The following FNDC3B variants were observed in gnomAD, a reference collection of about 807,000 sequenced individuals.
FNDC3B encodes the protein fibronectin type III domain-containing protein 3B.
FNDC3B carries 12 observed loss-of-function variants against 151.5 expected under a neutral mutation model. The ratio of observed to expected loss-of-function variants is 0.08; its 90% CI spans 0.05 to 0.13. The LOEUF (loss-of-function observed/expected upper bound fraction) is 0.13, where lower values mean the gene tolerates loss of function less well. Ranked by LOEUF, FNDC3B falls within the 10% of genes least tolerant of loss-of-function variation. The probability of loss-of-function intolerance (pLI) is 1.00; values close to 1 mark genes in which losing one functional copy is unlikely to be tolerated. For synonymous variants in FNDC3B, 528 were observed against 549.0 expected (o/e 0.96, Z 0.54); for missense variants, 1,214 against 1,505.3 (o/e 0.81, Z 3.20).
At chr3:172,133,634 AT>A in intron 3 of FNDC3B, 88 bp downstream of exon 3, 1 of 930,336 alleles carries the variant, frequency 1.1e-6, no homozygotes, top group South Asian at 1.3e-5. Context: ...TCTGCATGTA[AT>A]TTTCTAGAAG....
intron 6 of FNDC3B, among the ~76,000 whole-genome samples, chr3:172,265,920 T>C (rs943182207): frequency 1.4e-4 from 21 of 152,222 alleles, no homozygotes; most frequent in African/African-American, 5.1e-4. Context: ...ATTATTTTAA[T>C]GCACAAGATG....
At chr3:172,320,479 A>G (rs753569744) in intron 11 of FNDC3B, among the ~76,000 whole-genome samples, 2 of 152,198 alleles carry the variant, frequency 1.3e-5, no homozygotes, top group South Asian at 4.1e-4. Context: ...AAAGGGAGAA[A>G]GTTCACCATG....
chr3:172,146,636 A>G (rs1721923625), intron 3 of FNDC3B, among the ~76,000 whole-genome samples: 1 of 152,214 alleles, frequency 6.6e-6, no homozygotes, highest in South Asian at 2.1e-4. Context: ...CGTACATTTC[A>G]GTGTACAGGC....
chr3:172,152,012 G>A lies in FNDC3B; in HGVS notation c.187+18466G>A, dbSNP rs529244633. ...GGTGATATCCACTTGTGGATACTCA[G>A]TCCCTGTCTGATCACCAGGTTTGAT... is the stretch of plus-strand genomic sequence containing the variant. On this transcript the variant is annotated intron_variant, in intron 3 of 25. Coordinates refer to ENST00000415807, the MANE Select transcript of FNDC3B (RefSeq NM_022763.4). Among the ~76,000 whole-genome samples, 4 of 152,288 alleles carry A rather than the reference G, an allele frequency of 2.6e-5. No individual in the cohort carries two copies. The South Asian group carries it at 6.2e-4, about 24-fold the overall frequency.
intron 9 of FNDC3B, among the ~76,000 whole-genome samples, chr3:172,300,237 A>G (rs1436503745): frequency 1.3e-5 from 2 of 152,212 alleles, no homozygotes; most frequent in Admixed American, 1.3e-4. Flanking sequence ...ACAAACCAGA[A>G]AATGTAAAAC....
Position 172,181,008 on chromosome 3 carries a change from G to C in FNDC3B, c.188-45863G>C, listed in dbSNP as rs1335582374. Reference sequence around the variant, plus strand: ...TACTTCTTAGACTTGAGAGAAGCTGGCTTTCTTAATAATCTCTAACTGATT... The same window carrying C: ...TACTTCTTAGACTTGAGAGAAGCTGCCTTTCTTAATAATCTCTAACTGATT... On this transcript the variant is annotated intron_variant, in intron 3 of 25. Transcript: ENST00000415807. 2.0e-5 allele frequency among the ~76,000 whole-genome samples: 3 copies of C among 152,256 alleles called. No individual in the cohort carries two copies. The East Asian group carries it at 5.8e-4, about 29-fold the overall frequency.
At chr3:172,332,487 C>G (rs938622362) in intron 13 of FNDC3B, among the ~76,000 whole-genome samples, 1 of 152,160 alleles carries the variant, frequency 6.6e-6, no homozygotes. Context: ...GTGGGCAAGG[C>G]CTTTTCTGTT....
intron 4 of FNDC3B, among the ~76,000 whole-genome samples, chr3:172,245,345 T>G (rs541484655): frequency 6.6e-6 from 1 of 152,234 alleles, no homozygotes; most frequent in South Asian, 2.1e-4. Flanking sequence ...TTTGGAAGTT[T>G]TACACTGAAT....
In FNDC3B at chr3:172,380,973, A is replaced by T. The variant is rs1735406420; in HGVS notation, c.3183A>T (p.Arg1061=). ...TGTGGATTTGTATTTCAGCACCTCG[A>T]GTAACACAGTTAGAAGGAAATTCAT... ...KSVPPTIKAP[R]VTQLEGNSCE... is the part of the protein sequence containing the mutation. The change falls in exon 25 of 26, where the codon CGA becomes CGT. Residue 1061 remains arginine (R), a synonymous_variant. Coordinates refer to ENST00000415807, the MANE Select transcript of FNDC3B (RefSeq NM_022763.4). The T allele has an allele frequency of 1.2e-6, 2 of 1,613,372 alleles. No homozygotes were observed. The highest frequency in any genetic ancestry group is 1.1e-5 in the South Asian group (1 of 91,062).
intron 24 of FNDC3B, among the ~76,000 whole-genome samples, chr3:172,379,389 C>G (rs1239234087): frequency 6.6e-6 from 1 of 152,226 alleles, no homozygotes; most frequent in East Asian, 1.9e-4. Context: ...ACTCTCTACT[C>G]CCACATGAAG....
intron 3 of FNDC3B, among the ~76,000 whole-genome samples, chr3:172,185,342 G>A (rs1724115689): frequency 6.6e-6 from 1 of 152,142 alleles, no homozygotes. Flanking sequence ...TGGCCTGATA[G>A]CCTGAAGATT....
At chr3:172,134,327 AC>A (rs538262369) in intron 3 of FNDC3B, 7 of 515,988 alleles carry the variant, frequency 1.4e-5, no homozygotes, top group South Asian at 9.9e-5. Flanking sequence ...AGGAAGATCA[AC>A]CTAGATCTGA....
At chr3:172,182,497 G>A (rs973307155) in intron 3 of FNDC3B, among the ~76,000 whole-genome samples, 4 of 152,162 alleles carry the variant, frequency 2.6e-5, no homozygotes, top group African/African-American at 7.2e-5. Context: ...TTGGTTGTCC[G>A]CTCTGACAGG....
At chr3:172,091,873 GGTGTGTGTGTGT>G (rs377450281) in intron 1 of FNDC3B, among the ~76,000 whole-genome samples, 145 of 124,818 alleles carry the variant, frequency 1.2e-3, no homozygotes, top group African/African-American at 4.4e-3. Flanking sequence ...ACTTTACTGG[GGTGTGTGTGTGT>G]GTGTGTGTGT....
intron 2 of FNDC3B, among the ~76,000 whole-genome samples, chr3:172,128,727 G>A (rs75779162): frequency 2.0e-5 from 3 of 152,270 alleles, no homozygotes; most frequent in African/African-American, 7.2e-5. Flanking sequence ...CTTTTAGATT[G>A]TATCATTTTC....
chr3:172,113,804 T>C (rs2108542441), intron 2 of FNDC3B, among the ~76,000 whole-genome samples: 1 of 152,308 alleles, frequency 6.6e-6, no homozygotes, highest in East Asian at 1.9e-4. Flanking sequence ...TGGCAGTATT[T>C]CTCCACTTCC....
intron 1 of FNDC3B, among the ~76,000 whole-genome samples, chr3:172,110,735 A>G (rs1459016461): frequency 1.3e-5 from 2 of 152,024 alleles, no homozygotes; most frequent in Non-Finnish European, 2.9e-5. Context: ...GAAAAGGTGA[A>G]ATTGCTTCTC....
chr3:172,128,995 T>C (rs559673388), intron 2 of FNDC3B, among the ~76,000 whole-genome samples: 2 of 152,154 alleles, frequency 1.3e-5, no homozygotes, highest in Non-Finnish European at 2.9e-5. Flanking sequence ...TGGGAGACAG[T>C]CTTGCTCTGT....
intron 22 of FNDC3B, among the ~76,000 whole-genome samples, chr3:172,356,095 T>A (rs1026376555): frequency 2.0e-5 from 3 of 152,198 alleles, no homozygotes; most frequent in African/African-American, 7.2e-5. Context: ...AAATAACATG[T>A]ATTGAGCCCT....
Sources: gnomAD v4.1 joint callset for allele counts (sites outside exome capture counted in the v4.1 genomes callset) on GRCh38, gnomAD v4.1.1 for gene constraint, MANE v1.5 for transcripts, NCBI Gene and HGNC (gene_info 2026-07-23, HGNC 2026-07-21) for gene names.